FSHR: variants seen among roughly 807,000 people sequenced by gnomAD.
FSHR encodes the protein follicle stimulating hormone receptor.
Under a neutral mutation model 52.1 loss-of-function variants are expected in FSHR, and 46 were observed. The observed-to-expected ratio is 0.88, with a 90% CI of 0.70 to 1.13. The LOEUF (loss-of-function observed/expected upper bound fraction) is 1.13. Among genes scored for constraint, FSHR ranks in the 50% most tolerant of loss-of-function variants. FSHR has a pLI of 0.00. For synonymous variants in FSHR, 399 were observed against 309.6 expected (o/e 1.29, Z -3.03); for missense variants, 964 against 834.6 (o/e 1.16, Z -1.91).
rs555514957 is a variant in FSHR at position 49,062,951 on chromosome 2, A to T, written c.224+5268T>A. On this transcript the variant is annotated intron_variant, in intron 2 of 9. Coordinates refer to ENST00000406846, the MANE Select transcript of FSHR (RefSeq NM_000145.4). ...TAAACAAATACTGGCAAGGATGTAG[A>T]GATAGGGGAACTCCTCTACACTGTT... 7.9e-5 allele frequency among the ~76,000 whole-genome samples: 12 copies of T among 152,264 alleles called. No individual in the cohort carries two copies. In the South Asian group the frequency reaches 2.5e-3, roughly 32 times the overall value.
At chr2:49,139,423 G>T (rs762039390) in intron 1 of FSHR, among the ~76,000 whole-genome samples, 8 of 152,084 alleles carry the variant, frequency 5.3e-5, no homozygotes, top group Non-Finnish European at 1.2e-4. Context: ...GTATATGCAT[G>T]TGAATCTCTA....
chr2:49,046,460 C>A (rs1211926197), intron 2 of FSHR, among the ~76,000 whole-genome samples: 1 of 152,152 alleles, frequency 6.6e-6, no homozygotes, highest in Non-Finnish European at 1.5e-5. Context: ...GTCACATAAC[C>A]ACTTTGGCTT....
intron 1 of FSHR, among the ~76,000 whole-genome samples, chr2:49,081,625 T>C (rs1670173376): frequency 6.6e-6 from 1 of 152,234 alleles, no homozygotes; most frequent in Admixed American, 6.5e-5. Context: ...GAATGATTTC[T>C]GTAAAGATTA....
chr2:49,144,201 A>C (rs1425964483), intron 1 of FSHR, among the ~76,000 whole-genome samples: 2 of 152,168 alleles, frequency 1.3e-5, no homozygotes, highest in Non-Finnish European at 2.9e-5. Flanking sequence ...AAATTCAACC[A>C]GCCCAAGTCA....
At chr2:49,139,073 TGGGC>T (rs1455778392) in intron 1 of FSHR, among the ~76,000 whole-genome samples, 2 of 152,230 alleles carry the variant, frequency 1.3e-5, no homozygotes, top group Non-Finnish European at 2.9e-5. Context: ...TTCATTTCAC[TGGGC>T]TTCATTTTAC....
At chr2:49,125,830 G>C (rs563918434) in intron 1 of FSHR, among the ~76,000 whole-genome samples, 6 of 152,208 alleles carry the variant, frequency 3.9e-5, no homozygotes, top group Admixed American at 2.6e-4. Flanking sequence ...ACTAGCTGTC[G>C]TGGTACAGAT....
intron 1 of FSHR, among the ~76,000 whole-genome samples, chr2:49,129,366 G>C (rs1451593017): frequency 6.6e-6 from 1 of 152,146 alleles, no homozygotes; most frequent in Non-Finnish European, 1.5e-5. Context: ...CCATCCACAG[G>C]ATGACTTCCA....
intron 2 of FSHR, among the ~76,000 whole-genome samples, chr2:49,021,043 C>T (rs1220091255): frequency 6.6e-6 from 1 of 152,128 alleles, no homozygotes; most frequent in Non-Finnish European, 1.5e-5. Flanking sequence ...CCATGACACA[C>T]ATTTACCTAT....
chr2:48,993,551 C>CT (rs1675880826), intron 4 of FSHR, among the ~76,000 whole-genome samples: 1 of 152,124 alleles, frequency 6.6e-6, no homozygotes, highest in African/African-American at 2.4e-5. Context: ...TCCTCCTCTT[C>CT]TTTTCCAATC....
intron 4 of FSHR, among the ~76,000 whole-genome samples, chr2:49,009,071 C>T (rs1478358087): frequency 1.3e-5 from 2 of 151,252 alleles, no homozygotes; most frequent in Admixed American, 6.6e-5. Flanking sequence ...GTTGCCATTG[C>T]TTTTGGTGTT....
chr2:49,067,812 C>A (rs1304836132), intron 2 of FSHR, among the ~76,000 whole-genome samples: 2 of 151,974 alleles, frequency 1.3e-5, no homozygotes, highest in African/African-American at 4.8e-5. Context: ...ACTTTGGAAA[C>A]AAGAAGTCTA....
At chr2:48,983,221 G>T in intron 6 of FSHR, 55 bp from the exon 7 acceptor site, 1 of 1,533,818 alleles carries the variant, frequency 6.5e-7, no homozygotes. Flanking sequence ...ACAATACACG[G>T]GTTTCATAAT....
chr2:49,075,545 A>C (rs1383175917), intron 1 of FSHR, among the ~76,000 whole-genome samples: 2 of 152,190 alleles, frequency 1.3e-5, no homozygotes, highest in African/African-American at 2.4e-5. Context: ...GAAAAAAAGC[A>C]CCCAAACAAT....
chr2:49,127,841 C>CTTTTTTTTT (rs1672098182), intron 1 of FSHR, among the ~76,000 whole-genome samples: 1 of 16,216 alleles, frequency 6.2e-5, no homozygotes, highest in Non-Finnish European at 9.2e-5. Context: ...TCTTCTTCTT[C>CTTTTTTTTT]TTCTTCTTCT....
intron 1 of FSHR, among the ~76,000 whole-genome samples, chr2:49,114,073 C>A (rs1180216995): frequency 6.6e-6 from 1 of 152,138 alleles, no homozygotes; most frequent in African/African-American, 2.4e-5. Flanking sequence ...ATACTCCCAG[C>A]CTCTCTCACT....
At chr2:49,107,771 C>A (rs538746591) in intron 1 of FSHR, among the ~76,000 whole-genome samples, 3 of 152,094 alleles carry the variant, frequency 2.0e-5, no homozygotes, top group African/African-American at 7.2e-5. Flanking sequence ...TTGAAAGAGA[C>A]CTGGTGACTT....
intron 1 of FSHR, among the ~76,000 whole-genome samples, chr2:49,148,220 A>C (rs115910746): frequency 0.013 from 1,979 of 152,076 alleles, 28 homozygotes; most frequent in Middle Eastern, 0.048. Context: ...TAGAGTATAG[A>C]ATATTCAACT....
chr2:49,067,976 C>T (rs534240483), intron 2 of FSHR, among the ~76,000 whole-genome samples: 1 of 151,632 alleles, frequency 6.6e-6, no homozygotes, highest in Admixed American at 6.6e-5. Context: ...GGAGCAACCC[C>T]TTATTTGAGA....
intron 2 of FSHR, among the ~76,000 whole-genome samples, chr2:49,056,549 C>A (rs974461981): frequency 2.0e-5 from 3 of 149,744 alleles, no homozygotes; most frequent in African/African-American, 5.0e-5. Context: ...GAGAGATAGA[C>A]CGCAATACAT....
Sources: allele counts gnomAD v4.1 joint callset (sites outside exome capture counted in the v4.1 genomes callset), GRCh38; gene constraint gnomAD v4.1.1; transcripts MANE v1.5; gene names NCBI Gene and HGNC (gene_info 2026-07-23, HGNC 2026-07-21).